TIAM2: variants seen among roughly 807,000 people sequenced by gnomAD.
The protein encoded by TIAM2 is TIAM Rac1 associated GEF 2.
A neutral mutation model predicts 152.9 loss-of-function variants in TIAM2; 80 were observed. That is an observed-to-expected ratio of 0.52 (90% confidence interval 0.44 to 0.63). TIAM2 has a LOEUF of 0.63. Ranked by LOEUF, TIAM2 falls within the 30% of genes least tolerant of loss-of-function variation. TIAM2 has a pLI of 0.00. For missense variants in TIAM2, 1,965 were observed against 2,120.1 expected (o/e 0.93, Z 1.44); for synonymous variants, 804 against 838.0 (o/e 0.96, Z 0.70).
chr6:155,150,781 T>A lies in TIAM2; in HGVS notation c.2028+2447T>A, dbSNP rs370825580. 2.0e-5 allele frequency among the ~76,000 whole-genome samples: 3 copies of A among 152,182 alleles called. No homozygotes were observed. In the East Asian group the frequency reaches 5.8e-4, roughly 29 times the overall value. On this transcript the variant is annotated intron_variant, in intron 7 of 26. Coordinates refer to ENST00000682666, the MANE Select transcript of TIAM2 (RefSeq NM_012454.4). ...GCATCTTCTTAACTGTATTCTAGCA[T>A]GACATGAGGAGCGAGGGATCTTTCC...
intron 14 of TIAM2, among the ~76,000 whole-genome samples, chr6:155,195,649 G>A (rs1390133057): frequency 7.2e-6 from 1 of 139,684 alleles, no homozygotes; most frequent in African/African-American, 2.6e-5. Context: ...AAGTGTGACG[G>A]AACAAAAATT....
chr6:155,256,129 C>A, intron 26 of TIAM2: 1 of 410,308 alleles, frequency 2.4e-6, no homozygotes, highest in South Asian at 3.2e-5. Context: ...TACAAAGCAC[C>A]TTAGTGAAAG....
At chr6:155,127,039 T>A (rs1779312197) in intron 2 of TIAM2, among the ~76,000 whole-genome samples, 1 of 152,238 alleles carries the variant, frequency 6.6e-6, no homozygotes, top group Non-Finnish European at 1.5e-5. Context: ...GGTCAACCTC[T>A]ACAAGCTAAA....
At chr6:155,121,071 A>G (rs541034853) in intron 2 of TIAM2, among the ~76,000 whole-genome samples, 4 of 152,298 alleles carry the variant, frequency 2.6e-5, no homozygotes, top group African/African-American at 9.6e-5. Context: ...GATCAAAATG[A>G]AATGCTAAAA....
chr6:155,215,811 T>G (rs543968592), intron 15 of TIAM2, among the ~76,000 whole-genome samples: 1 of 151,176 alleles, frequency 6.6e-6, no homozygotes, highest in Admixed American at 6.6e-5. Flanking sequence ...AAATTTTGTT[T>G]TATTTTATTT....
intron 1 of TIAM2, among the ~76,000 whole-genome samples, chr6:155,054,275 T>A (rs986265498): frequency 1.3e-5 from 2 of 152,132 alleles, no homozygotes; most frequent in African/African-American, 4.8e-5. Context: ...CTGATGTCAT[T>A]TGTCCTCTAA....
At chr6:155,209,184 C>A (rs1201551092) in intron 14 of TIAM2, among the ~76,000 whole-genome samples, 2 of 151,920 alleles carry the variant, frequency 1.3e-5, no homozygotes, top group African/African-American at 4.8e-5. Flanking sequence ...TCTGCCTCCC[C>A]CTCCCTCACC....
At chr6:155,165,143 T>C in intron 8 of TIAM2, 120 bp from the exon 9 acceptor site, 1 of 1,060,072 alleles carries the variant, frequency 9.4e-7, no homozygotes, top group Non-Finnish European at 1.3e-6. Context: ...ATTTCAGACA[T>C]GCAGGAGCTT....
Position 155,256,819 on chromosome 6 carries a change from G to T in TIAM2, c.4804G>T (p.Asp1602Tyr), listed in dbSNP as rs970851775. ...FQRLRISEDP[D>Y]VHPEAEQQPG... ...GAGACTGAGGATTTCCGAGGACCCA[G>T]ACGTTCACCCCGAGGCTGAGCAGCA... Residue 1602 changes from aspartate (D) to tyrosine (Y), a missense_variant, in exon 27 of 27, where the codon GAC becomes TAC. Asp to Tyr is a radical substitution (Grantham distance 160). Coordinates refer to ENST00000682666, the MANE Select transcript of TIAM2 (RefSeq NM_012454.4). 6.2e-6 allele frequency: 10 copies of T among 1,614,066 alleles called. No individual in the cohort carries two copies. The highest frequency in any genetic ancestry group is 8.5e-6 in the Non-Finnish European group (10 of 1,180,058).
In TIAM2 at chr6:155,178,775, G is replaced by A. The variant is rs542161493; in HGVS notation, c.2524-264G>A. ...TTTTTACTATAGTCGATGTTTTGCT[G>A]TATTGGCTAGGCTGGTCTCCAACTC... On this transcript the variant is annotated intron_variant, in intron 10 of 26. Transcript: ENST00000682666. Among the ~76,000 whole-genome samples, 4 of 152,182 alleles carry A rather than the reference G, an allele frequency of 2.6e-5. No individual in the cohort carries two copies. The South Asian group carries it at 6.2e-4, about 24-fold the overall frequency.
chr6:155,071,422 AGTT>A (rs1777835094), intron 1 of TIAM2, among the ~76,000 whole-genome samples: 1 of 152,206 alleles, frequency 6.6e-6, no homozygotes, highest in Non-Finnish European at 1.5e-5. Context: ...TTGTTTATTA[AGTT>A]GTTATTCAAT....
chr6:155,047,718 A>C (rs1364665241), intron 1 of TIAM2, among the ~76,000 whole-genome samples: 2,031 of 124,742 alleles, frequency 0.016, 150 homozygotes, highest in Admixed American at 0.07. Context: ...AGAGAGAGAG[A>C]GAGAGAGCGA....
intron 1 of TIAM2, among the ~76,000 whole-genome samples, chr6:155,057,359 C>T (rs1777476584): frequency 6.6e-6 from 1 of 151,710 alleles, no homozygotes; most frequent in East Asian, 2.0e-4. Flanking sequence ...TCTGATTGAA[C>T]TGGGCTAATA....
chr6:155,006,478 C>T (rs1778404079), intron 1 of TIAM2, among the ~76,000 whole-genome samples: 1 of 151,548 alleles, frequency 6.6e-6, no homozygotes, highest in Admixed American at 6.6e-5. Context: ...ACCAGCCTAG[C>T]CAACATGGTG....
intron 14 of TIAM2, among the ~76,000 whole-genome samples, chr6:155,190,951 G>T (rs1025762435): frequency 3.9e-5 from 6 of 152,170 alleles, no homozygotes; most frequent in African/African-American, 1.4e-4. Context: ...GCTTGAAAAT[G>T]AATTCTATTT....
At chr6:155,016,015 A>G (rs1312818663) in intron 1 of TIAM2, among the ~76,000 whole-genome samples, 1 of 151,572 alleles carries the variant, frequency 6.6e-6, no homozygotes, top group Non-Finnish European at 1.5e-5. Flanking sequence ...GACCATCAAG[A>G]CTGGCAAAAA....
intron 14 of TIAM2, among the ~76,000 whole-genome samples, chr6:155,184,917 C>T (rs1780998982): frequency 6.6e-6 from 1 of 152,056 alleles, no homozygotes; most frequent in South Asian, 2.1e-4. Context: ...TTCAGCTACC[C>T]TGGGCTGCTG....
intron 5 of TIAM2, among the ~76,000 whole-genome samples, chr6:155,141,043 T>C (rs1041853438): frequency 1.4e-4 from 21 of 152,330 alleles, no homozygotes; most frequent in African/African-American, 4.8e-4. Context: ...GGCTACCAAC[T>C]TCAGGGGTAG....
At chr6:155,102,391 C>A (rs1288163373) in intron 2 of TIAM2, among the ~76,000 whole-genome samples, 1 of 152,044 alleles carries the variant, frequency 6.6e-6, no homozygotes, top group Non-Finnish European at 1.5e-5. Context: ...ATTGTCAACC[C>A]CACTTTATGA....
Sources: gnomAD v4.1 joint callset for allele counts (sites outside exome capture counted in the v4.1 genomes callset) on GRCh38, gnomAD v4.1.1 for gene constraint, MANE v1.5 for transcripts, NCBI Gene and HGNC (gene_info 2026-07-23, HGNC 2026-07-21) for gene names.